The following NPHP3 variants were observed in gnomAD, a reference collection of about 807,000 sequenced individuals.
NPHP3 encodes the protein nephrocystin-3.
NPHP3 carries 123 observed loss-of-function variants against 171.9 expected under a neutral mutation model. The ratio of observed to expected loss-of-function variants is 0.72; its 90% CI spans 0.62 to 0.83. NPHP3 has a LOEUF of 0.83. NPHP3 is among the 40% of genes least tolerant of loss of function. NPHP3 has a pLI of 0.00. For missense variants in NPHP3, 1,506 were observed against 1,591.9 expected, an observed-to-expected ratio of 0.95 and a Z score of 0.92; for synonymous variants, 558 against 579.2, an observed-to-expected ratio of 0.96 and a Z score of 0.52.
intron 23 of NPHP3, 134 bp downstream of exon 23, chr3:132,686,126 A>T: frequency 1.2e-6 from 1 of 859,502 alleles, no homozygotes; most frequent in Non-Finnish European, 1.9e-6. Context: ...TGCTCATTAT[A>T]TAACATCATA....
rs1405204949 is a variant in NPHP3, at chr3:132,682,158, T to G, written c.3813-68A>C. On this transcript the variant is annotated intron_variant, in intron 26 of 26. Coordinates refer to ENST00000337331, the MANE Select transcript of NPHP3 (RefSeq NM_153240.5). ...CTCTTACCAATTCAAAATGACCTTA[T>G]GGGATACAGAAAAAGAAGCTGTAAA... The G allele has an allele frequency of 9.3e-6, 13 of 1,397,586 alleles. No homozygotes were observed. In the African/African-American group the frequency reaches 1.1e-4, roughly 12 times the overall value. 86.6% of individuals were successfully genotyped at this position (1,397,586 alleles called of 1,614,324 possible).
chr3:132,691,057 A>C, intron 18 of NPHP3, 135 bp downstream of exon 18: 1 of 787,376 alleles, frequency 1.3e-6, no homozygotes, highest in Admixed American at 1.8e-5. Context: ...CATTAACAGA[A>C]TAGGGAGAGG....
Position 132,683,436 on chromosome 3 carries a change from G to A in NPHP3, c.3659C>T (p.Thr1220Ile), listed in dbSNP as rs757517741. The change falls in exon 25 of 27, where the codon ACT becomes ATT. Residue 1220 changes from threonine to isoleucine, a missense_variant. Physicochemically the swap from Thr to Ile is moderately conservative, Grantham distance 89. Coordinates refer to ENST00000337331, the MANE Select transcript of NPHP3 (RefSeq NM_153240.5). ...SFGPKHPSVATALVNLAVLYS... is the reference protein window; with the variant it reads ...SFGPKHPSVAIALVNLAVLYS... ...AAGAACAGCTAAGTTCACCAAGGCA[G>A]TAGCTACACTAGGGTGCTTTGGGCC... is the stretch of plus-strand genomic sequence containing the variant. 1 of 1,613,182 alleles carries A rather than the reference G, an allele frequency of 6.2e-7. No homozygotes were observed.
At position 132,694,930 on chromosome 3, in the gene NPHP3, T is replaced by G; in HGVS notation, c.2207A>C (p.His736Pro). The change falls in exon 16 of 27, where the codon CAT (histidine) becomes CCT (proline). Residue 736 changes from histidine to proline, a missense_variant. This residue lies in a region of NPHP3 where 930 missense variants were observed against 924.9 expected (regional missense o/e 1.01). Transcript: ENST00000337331. ...AGTATCTTGACACTGGAAACACTGA[T>G]GAAGGATTTTATCTAAATTGCCTGC... The part of the protein sequence containing the change: ...GRAGNLDKIL[H>P]QCFQCQDTLS... The G allele has an allele frequency of 1.2e-6, 2 of 1,613,890 alleles. No individual in the cohort carries two copies. The highest frequency in any genetic ancestry group is 1.7e-6 in the Non-Finnish European group (2 of 1,179,912).
intron 26 of NPHP3, chr3:132,682,351 A>G: frequency 1.8e-6 from 1 of 558,940 alleles, no homozygotes; most frequent in Admixed American, 3.1e-5. Flanking sequence ...AAAGTTAGGT[A>G]TTCTCTGCAT....
intron 3 of NPHP3, chr3:132,717,970 G>A (rs1940101364): frequency 7.8e-6 from 3 of 384,864 alleles, no homozygotes; most frequent in South Asian, 3.9e-5. Context: ...TGGCCAGGAT[G>A]GTCTTGATCT....
rs542131508 is a variant in NPHP3 at position 132,696,732 on chromosome 3, G to A, written c.2170C>T (p.Arg724Cys). 3.4e-5 allele frequency: 55 copies of A among 1,613,414 alleles called. No homozygotes were observed. Among genetic ancestry groups the A allele is most frequent in the Admixed American group, 8.3e-5 (5 of 60,024 alleles). ...TCATGTAAAATAATCACCACTCACC[G>A]CGCGATCATTTTGCCGAAAAGGGTG... is the stretch of plus-strand genomic sequence containing the variant. ...YVTLFGKMIA[R>C]AGRAGNLDKI... Residue 724 changes from arginine to cysteine, a missense_variant and splice_region_variant, in exon 15 of 27, where the codon CGT becomes TGT. This residue lies in a region of NPHP3 where 930 missense variants were observed against 924.9 expected (regional missense o/e 1.01). Transcript: ENST00000337331.
chr3:132,719,275 T>G (rs1940138812), intron 2 of NPHP3, 131 bp from the exon 3 acceptor site: 1 of 726,412 alleles, frequency 1.4e-6, no homozygotes, highest in Non-Finnish European at 2.2e-6. Context: ...TTTCATAGGG[T>G]GAATGTCCTA....
chr3:132,683,174 T>C (rs962682086), intron 25 of NPHP3, among the ~76,000 whole-genome samples: 1 of 152,176 alleles, frequency 6.6e-6, no homozygotes, highest in African/African-American at 2.4e-5. Flanking sequence ...ATCTCCAGAA[T>C]TTTAGAAACT....
chr3:132,721,904 G>A (rs531419452), intron 1 of NPHP3, 59 bp downstream of exon 1: 2 of 1,590,120 alleles, frequency 1.3e-6, no homozygotes, highest in African/African-American at 2.7e-5. Context: ...TTTGGAGAGG[G>A]AGCAGGACGG....
intron 15 of NPHP3, chr3:132,695,220 G>A (rs1315266979): frequency 2.7e-5 from 11 of 400,948 alleles, no homozygotes; most frequent in Non-Finnish European, 2.8e-5. Flanking sequence ...ATGCATTATG[G>A]AACATAAAAA....
chr3:132,682,292 T>G, intron 26 of NPHP3: 2 of 603,054 alleles, frequency 3.3e-6, no homozygotes, highest in Non-Finnish European at 5.8e-6. Flanking sequence ...GTGTCTCATA[T>G]GGATATCATT....
chr3:132,685,787 C>G (rs113696806), intron 23 of NPHP3: 182 of 163,260 alleles, frequency 1.1e-3, no homozygotes, highest in African/African-American at 3.7e-3. Context: ...CGTGGTGGCT[C>G]ACGCCTGTAA....
At chr3:132,699,880 T>C in intron 12 of NPHP3, 38 bp downstream of exon 12, 1 of 1,606,662 alleles carries the variant, frequency 6.2e-7, no homozygotes, top group African/African-American at 1.3e-5. Context: ...TACATCTCTT[T>C]CTGAGCATAT....
rs373257282 is a variant in NPHP3 at position 132,689,066 on chromosome 3, G to A, written c.2883+8C>T. 6.2e-7 allele frequency: 1 copy of A among 1,613,954 alleles called. No homozygotes were observed. The highest frequency in any genetic ancestry group is 8.5e-7 in the Non-Finnish European group (1 of 1,180,004). On this transcript the variant is annotated splice_region_variant and intron_variant, in intron 20 of 26. Coordinates refer to ENST00000337331, the MANE Select transcript of NPHP3 (RefSeq NM_153240.5). ...GTCTCTGGCTTGCCATTGATCTGCT[G>A]AGCTTACCTGACTGAGAAGGCCTAG...
chr3:132,701,706 T>C (rs560518965), intron 9 of NPHP3, among the ~76,000 whole-genome samples, 173 bp from the exon 10 acceptor site: 188 of 152,248 alleles, frequency 1.2e-3, no homozygotes, highest in Admixed American at 3.9e-3. Flanking sequence ...GGCAAAAACA[T>C]GACTGAACTA....
At chr3:132,712,888 ACT>A (rs1165533396) in intron 6 of NPHP3, among the ~76,000 whole-genome samples, 4 of 152,146 alleles carry the variant, frequency 2.6e-5, no homozygotes, top group Admixed American at 1.3e-4. Flanking sequence ...TATTTGCCAA[ACT>A]CTGATTAAAA....
At position 132,713,119 on chromosome 3, in the gene NPHP3, A is replaced by G. The variant is rs755103165; in HGVS notation, c.1118+7T>C. 1.4e-5 allele frequency: 20 copies of G among 1,380,368 alleles called. No individual in the cohort carries two copies. Among genetic ancestry groups the G allele is most frequent in the East Asian group, 1.4e-4 (6 of 42,596 alleles). The allele number at this position is 1,380,368 out of a possible 1,614,324, so 85.5% of individuals were successfully genotyped here. On this transcript the variant is annotated splice_region_variant and intron_variant, in intron 6 of 26. Coordinates refer to ENST00000337331, the MANE Select transcript of NPHP3 (RefSeq NM_153240.5). ...CTTATAATAAATTACATTTTTTTTC[A>G]GCTTACCTTGGTAATGTTAAGTGAA...
At chr3:132,699,498 A>C in intron 12 of NPHP3, 48 bp from the exon 13 acceptor site, 1 of 1,244,880 alleles carries the variant, frequency 8.0e-7, no homozygotes, top group Non-Finnish European at 1.2e-6. Context: ...AAATATTTCA[A>C]AACAATCCAA....
Sources: gnomAD v4.1 joint callset for allele counts (sites outside exome capture counted in the v4.1 genomes callset) on GRCh38, gnomAD v4.1.1 for gene constraint, gnomAD v4.1.1 regional missense constraint, MANE v1.5 for transcripts, NCBI Gene and HGNC (gene_info 2026-07-23, HGNC 2026-07-21) for gene names.